The following CEP135 variants were observed in gnomAD, a reference collection of about 807,000 sequenced individuals.
The protein encoded by CEP135 is centrosomal protein of 135 kDa.
A neutral mutation model predicts 157.3 loss-of-function variants in CEP135; 142 were observed. That is an observed-to-expected ratio of 0.90 (90% confidence interval 0.79 to 1.04). CEP135 has a LOEUF of 1.04. CEP135 is among the 50% of genes least tolerant of loss of function. The pLI, the probability that CEP135 is intolerant of heterozygous loss-of-function variation, is 0.00. For synonymous variants in CEP135, 396 were observed against 439.8 expected (o/e 0.90, Z 1.25); for missense variants, 1,317 against 1,309.2 (o/e 1.01, Z -0.09).
chr4:56,030,032 G>A (rs1436127445), intron 25 of CEP135, among the ~76,000 whole-genome samples: 1 of 151,942 alleles, frequency 6.6e-6, no homozygotes, highest in Admixed American at 6.6e-5. Flanking sequence ...ATAAACTTTT[G>A]TTTTACTTTT....
intron 25 of CEP135, among the ~76,000 whole-genome samples, chr4:56,025,696 A>G (rs1339631876): frequency 1.2e-4 from 19 of 152,118 alleles, no homozygotes; most frequent in Non-Finnish European, 2.6e-4. Context: ...CCATATTGGA[A>G]AGGATAGGAA....
chr4:55,957,108 A>C, intron 4 of CEP135, 115 bp from the exon 5 acceptor site: 1 of 1,031,992 alleles, frequency 9.7e-7, no homozygotes. Flanking sequence ...ATATTTTGTC[A>C]ATATGTATTA....
At chr4:55,973,088 A>C (rs546366584) in intron 10 of CEP135, among the ~76,000 whole-genome samples, 6 of 152,168 alleles carry the variant, frequency 3.9e-5, no homozygotes, top group Non-Finnish European at 5.9e-5. Context: ...ATTTCAGTGT[A>C]ATCTTTCAAC....
intron 25 of CEP135, 22 bp from the exon 26 acceptor site, chr4:56,031,338 C>T (rs1731342376): frequency 6.6e-6 from 1 of 152,372 alleles, no homozygotes; most frequent in Non-Finnish European, 1.5e-5. Context: ...CTTAACCCAC[C>T]TTTCAATTTC....
chr4:55,965,879 G>T lies in CEP135; in HGVS notation c.1044+20G>T. ...GCAAAGGTAATGAATGATATGTGTA[G>T]ATTGTGAGAGTGTTCATTAATTCTC... On this transcript the variant is annotated intron_variant, in intron 8 of 25. Transcript: ENST00000257287. 6.4e-7 allele frequency: 1 copy of T among 1,565,370 alleles called. No individual in the cohort carries two copies. Among genetic ancestry groups the T allele is most frequent in the South Asian group, 1.1e-5 (1 of 88,262 alleles).
In CEP135 at chr4:55,971,394, G is replaced by A; in HGVS notation, c.1235G>A (p.Ser412Asn). The A allele has an allele frequency of 6.3e-7, 1 of 1,595,664 alleles. No homozygotes were observed. The highest frequency in any genetic ancestry group is 8.5e-7 in the Non-Finnish European group (1 of 1,174,170). ...CAAAGACTTAGCAAAAAAGTTGAAAGTTTTGCAGTTACAGGTAAGATGTCA... is the reference window on the plus strand; with the variant it reads ...CAAAGACTTAGCAAAAAAGTTGAAAATTTTGCAGTTACAGGTAAGATGTCA... ...EKQRLSKKVE[S>N]FAVTERQLTL... Residue 412 changes from serine to asparagine, a missense_variant, in exon 10 of 26, where the codon AGT becomes AAT. Coordinates refer to ENST00000257287, the MANE Select transcript of CEP135 (RefSeq NM_025009.5).
chr4:56,004,577 C>G (rs1577901625), intron 17 of CEP135, among the ~76,000 whole-genome samples: 1 of 152,214 alleles, frequency 6.6e-6, no homozygotes, highest in Non-Finnish European at 1.5e-5. Context: ...CTTTATATAC[C>G]TGGGAACCTG....
intron 21 of CEP135, among the ~76,000 whole-genome samples, chr4:56,017,211 A>G (rs1730807091): frequency 6.6e-6 from 1 of 152,086 alleles, no homozygotes; most frequent in African/African-American, 2.4e-5. Flanking sequence ...CCAGGTATAT[A>G]GTTTTGAAGT....
intron 24 of CEP135, 53 bp downstream of exon 24, chr4:56,020,833 A>G: frequency 7.6e-7 from 1 of 1,308,258 alleles, no homozygotes; most frequent in Non-Finnish European, 1.1e-6. Context: ...TCTCTATTGT[A>G]CTTCAGAAAG....
At chr4:55,994,933 G>A (rs1350891238) in intron 15 of CEP135, among the ~76,000 whole-genome samples, 1 of 152,090 alleles carries the variant, frequency 6.6e-6, no homozygotes, top group Non-Finnish European at 1.5e-5. Context: ...TGATCCATCC[G>A]CCTGGGCCTC....
intron 17 of CEP135, among the ~76,000 whole-genome samples, chr4:56,003,921 A>G (rs1249249382): frequency 6.6e-6 from 1 of 151,906 alleles, no homozygotes; most frequent in Non-Finnish European, 1.5e-5. Context: ...GTGTCTTACC[A>G]TGTTTCCCAG....
In CEP135 at chr4:55,974,733, CTTTAA is replaced by C; in HGVS notation, c.1250-8_1250-4del. ...ACAACATTATTTTAAGAGTTAACCA[CTTTAA>C]TTTACAGAACGACAACTTACTCTGG... is the stretch of plus-strand genomic sequence containing the variant. On this transcript the variant is annotated splice_region_variant and splice_polypyrimidine_tract_variant and intron_variant, in intron 10 of 25. Transcript: ENST00000257287. The C allele has an allele frequency of 6.3e-7, 1 of 1,597,612 alleles. No individual in the cohort carries two copies. Among genetic ancestry groups the C allele is most frequent in the Non-Finnish European group, 8.6e-7 (1 of 1,169,584 alleles).
chr4:55,949,912 C>T (rs912552595), intron 1 of CEP135, among the ~76,000 whole-genome samples: 26 of 152,300 alleles, frequency 1.7e-4, no homozygotes, highest in African/African-American at 6.0e-4. Context: ...TCTCTCCCCT[C>T]CAAAGCAGGA....
chr4:56,019,626 G>T, intron 23 of CEP135, 71 bp downstream of exon 23: 1 of 1,286,124 alleles, frequency 7.8e-7, no homozygotes, highest in Non-Finnish European at 1.1e-6. Flanking sequence ...TTTTTGAAGT[G>T]GAGGAAAGGT....
chr4:56,007,421 G>A (rs2109726347), intron 17 of CEP135, among the ~76,000 whole-genome samples: 1 of 152,330 alleles, frequency 6.6e-6, no homozygotes, highest in South Asian at 2.1e-4. Flanking sequence ...CTAAGGGTTT[G>A]TGCCCAGGGG....
chr4:55,957,392 G>A (rs777824090), intron 5 of CEP135, 28 bp downstream of exon 5: 3 of 1,597,720 alleles, frequency 1.9e-6, no homozygotes, highest in South Asian at 1.1e-5. Context: ...TTCTTGGCTT[G>A]AGTTAATTGA....
chr4:55,999,703 T>C, intron 17 of CEP135, 58 bp downstream of exon 17: 1 of 1,541,048 alleles, frequency 6.5e-7, no homozygotes, highest in Non-Finnish European at 8.7e-7. Flanking sequence ...TTTTTTGTTT[T>C]TGTTTTTGAG....
intron 13 of CEP135, among the ~76,000 whole-genome samples, chr4:55,984,414 A>G (rs779814298): frequency 1.9e-4 from 29 of 152,326 alleles, no homozygotes; most frequent in East Asian, 1.9e-4. Flanking sequence ...ATTTTGGCAT[A>G]AAGTTCCTTT....
chr4:56,000,989 T>C (rs1730150426), intron 17 of CEP135, among the ~76,000 whole-genome samples: 1 of 152,182 alleles, frequency 6.6e-6, no homozygotes, highest in Non-Finnish European at 1.5e-5. Context: ...TTAATTTGCA[T>C]TTCTCTGATA....
Sources: gnomAD v4.1 joint callset for allele counts (sites outside exome capture counted in the v4.1 genomes callset) on GRCh38, gnomAD v4.1.1 for gene constraint, MANE v1.5 for transcripts, NCBI Gene and HGNC (gene_info 2026-07-23, HGNC 2026-07-21) for gene names.